Variants in GALNT13 observed in about 807,000 individuals in gnomAD.
GALNT13 encodes UDP-GalNAc:polypeptide N-acetylgalactosaminyltransferase 13.
Under a neutral mutation model 64.2 loss-of-function variants are expected in GALNT13, and 28 were observed. The observed-to-expected ratio is 0.44, with a 90% CI of 0.32 to 0.60. The LOEUF (loss-of-function observed/expected upper bound fraction) is 0.60. Among genes scored for constraint, GALNT13 ranks in the 20% least tolerant of loss-of-function variants. The pLI, the probability that GALNT13 is intolerant of heterozygous loss-of-function variation, is 0.05. For synonymous variants in GALNT13, 214 were observed against 224.6 expected, an observed-to-expected ratio of 0.95 and a Z score of 0.42; for missense variants, 577 against 669.8, an observed-to-expected ratio of 0.86 and a Z score of 1.53.
At chr2:153,148,891 C>T in the GALNT13 span, among the ~76,000 whole-genome samples, 1 of 151,732 alleles carries the variant, frequency 6.6e-6, no homozygotes, top group Non-Finnish European at 1.5e-5. Flanking sequence ...AATTTTGTTA[C>T]TGAAACAGTC....
intron 8 of GALNT13, among the ~76,000 whole-genome samples, chr2:154,296,728 CTG>C (rs1309750685): frequency 2.6e-5 from 4 of 152,090 alleles, no homozygotes; most frequent in Non-Finnish European, 5.9e-5. Context: ...GAGAAAATAA[CTG>C]GGGTGGGGCT....
chr2:153,775,382 A>G, the GALNT13 span, among the ~76,000 whole-genome samples: 2 of 152,134 alleles, frequency 1.3e-5, no homozygotes, highest in Non-Finnish European at 2.9e-5. Context: ...TAGTTTTTCA[A>G]TATATTGCCA....
intron 3 of GALNT13, among the ~76,000 whole-genome samples, chr2:154,052,824 C>T (rs1459303266): frequency 6.6e-6 from 1 of 151,470 alleles, no homozygotes; most frequent in African/African-American, 2.4e-5. Flanking sequence ...GCAAGCTCCG[C>T]CTCCCGGGTT....
At chr2:153,219,852 G>A in the GALNT13 span, among the ~76,000 whole-genome samples, 1 of 152,178 alleles carries the variant, frequency 6.6e-6, no homozygotes, top group African/African-American at 2.4e-5. Context: ...GAATCTGGGA[G>A]AAAAATGTAG....
chr2:153,746,701 A>G, the GALNT13 span, among the ~76,000 whole-genome samples: 2 of 152,132 alleles, frequency 1.3e-5, no homozygotes, highest in Non-Finnish European at 2.9e-5. Flanking sequence ...GAAGCTGCCA[A>G]ATAGGCAGGG....
chr2:153,625,120 TAGAA>T, the GALNT13 span, among the ~76,000 whole-genome samples: 3 of 152,138 alleles, frequency 2.0e-5, no homozygotes, highest in African/African-American at 7.2e-5. Flanking sequence ...ACAATTTAAT[TAGAA>T]AGGCTTTTGA....
the GALNT13 span, among the ~76,000 whole-genome samples, chr2:153,483,157 CATT>C: frequency 2.6e-5 from 4 of 152,222 alleles, no homozygotes; most frequent in African/African-American, 7.2e-5. Context: ...TTGTGAAAAA[CATT>C]ATGGTGGTTC....
the GALNT13 span, among the ~76,000 whole-genome samples, chr2:153,657,923 A>G: frequency 6.6e-6 from 1 of 152,066 alleles, no homozygotes; most frequent in African/African-American, 2.4e-5. Flanking sequence ...TCTTCAATTG[A>G]TGTAGAAAAT....
intron 9 of GALNT13, among the ~76,000 whole-genome samples, chr2:154,316,670 T>A: frequency 6.6e-6 from 1 of 152,172 alleles, no homozygotes; most frequent in African/African-American, 2.4e-5. Flanking sequence ...CATCATAGCA[T>A]GGCAGAGGGC....
At chr2:153,329,619 T>A in the GALNT13 span, among the ~76,000 whole-genome samples, 5 of 152,182 alleles carry the variant, frequency 3.3e-5, no homozygotes. Context: ...TTTTTAATTA[T>A]GGGCATTTGG....
At chr2:153,100,927 G>A in the GALNT13 span, among the ~76,000 whole-genome samples, 1 of 152,108 alleles carries the variant, frequency 6.6e-6, no homozygotes, top group Non-Finnish European at 1.5e-5. Context: ...TACTTGGGAG[G>A]CTGAGCCAGG....
At chr2:153,602,648 CA>C in the GALNT13 span, among the ~76,000 whole-genome samples, 1 of 151,640 alleles carries the variant, frequency 6.6e-6, no homozygotes, top group African/African-American at 2.4e-5. Context: ...CTGAAGTGAG[CA>C]AAGGGAGAGA....
At position 154,205,963 on chromosome 2, in the gene GALNT13, A is replaced by G. The variant is rs149638076; in HGVS notation, c.312-36067A>G. On this transcript the variant is annotated intron_variant, in intron 4 of 12. Coordinates refer to ENST00000392825, the MANE Select transcript of GALNT13 (RefSeq NM_052917.4). Reference sequence around the variant, plus strand: ...ATTTTATTTACAGGCTCTGACATACATGTTTTGAAACAATTATGATTTTCC... The same window carrying G: ...ATTTTATTTACAGGCTCTGACATACGTGTTTTGAAACAATTATGATTTTCC... Among the ~76,000 whole-genome samples, 3 of 152,084 alleles carry G rather than the reference A, an allele frequency of 2.0e-5. No individual in the cohort carries two copies. The East Asian group carries it at 5.8e-4, about 29-fold the overall frequency.
downstream of GALNT13, among the ~76,000 whole-genome samples, chr2:154,454,328 A>C (rs1173543440): frequency 2.6e-5 from 4 of 152,156 alleles, no homozygotes; most frequent in Non-Finnish European, 5.9e-5. Context: ...TCACTCAAAA[A>C]ATTATAGAAA....
At chr2:153,069,894 G>C in the GALNT13 span, among the ~76,000 whole-genome samples, 19 of 152,008 alleles carry the variant, frequency 1.2e-4, no homozygotes, top group Admixed American at 4.6e-4. Flanking sequence ...TGCATTAACT[G>C]TGTTTCTGCC....
At chr2:153,602,360 T>C in the GALNT13 span, among the ~76,000 whole-genome samples, 2 of 151,778 alleles carry the variant, frequency 1.3e-5, no homozygotes, top group East Asian at 1.9e-4. Context: ...ATGTCAATAG[T>C]GGTAGTTGGT....
At chr2:154,282,155 C>T (rs1691995586) in intron 8 of GALNT13, among the ~76,000 whole-genome samples, 1 of 152,096 alleles carries the variant, frequency 6.6e-6, no homozygotes, top group African/African-American at 2.4e-5. Flanking sequence ...CTCCAAATTA[C>T]CCTAATAAGG....
chr2:153,390,369 G>T, the GALNT13 span, among the ~76,000 whole-genome samples: 3 of 152,020 alleles, frequency 2.0e-5, no homozygotes, highest in Non-Finnish European at 4.4e-5. Flanking sequence ...CAGGTGATGG[G>T]TTGATGGGTG....
chr2:154,335,751 T>C (rs939269310), intron 9 of GALNT13, among the ~76,000 whole-genome samples: 5 of 152,050 alleles, frequency 3.3e-5, no homozygotes, highest in African/African-American at 1.2e-4. Context: ...GGATTCTCGG[T>C]TATGTAAATC....
Sources: gnomAD v4.1 joint callset for allele counts (sites outside exome capture counted in the v4.1 genomes callset) on GRCh38, gnomAD v4.1.1 for gene constraint, MANE v1.5 for transcripts, NCBI Gene and HGNC (gene_info 2026-07-23, HGNC 2026-07-21) for gene names.